The following CLIC5 variants were observed in gnomAD, a reference collection of about 807,000 sequenced individuals.
CLIC5 encodes chloride intracellular channel protein 5.
In CLIC5, 20 loss-of-function variants were observed where a neutral mutation model predicts 24.7. The ratio of observed to expected loss-of-function variants is 0.81; its 90% CI spans 0.57 to 1.18. The LOEUF (loss-of-function observed/expected upper bound fraction) is 1.18. Among genes scored for constraint, CLIC5 ranks in the 50% most tolerant of loss-of-function variants. The pLI is 0.00. For synonymous variants in CLIC5, 159 were observed against 135.6 expected, an observed-to-expected ratio of 1.17 and a Z score of -1.20; for missense variants, 341 against 326.1, an observed-to-expected ratio of 1.05 and a Z score of -0.35.
chr6:45,895,364 A>T (rs1762384453), downstream of CLIC5, among the ~76,000 whole-genome samples: 1 of 152,216 alleles, frequency 6.6e-6, no homozygotes, highest in Non-Finnish European at 1.5e-5. Flanking sequence ...ACCATGTGAT[A>T]AAATGAGCTT....
chr6:45,897,673 C>T (rs1054923211), downstream of CLIC5, among the ~76,000 whole-genome samples: 2 of 152,104 alleles, frequency 1.3e-5, no homozygotes, highest in Non-Finnish European at 2.9e-5. Flanking sequence ...CTTCATCAGA[C>T]GTCACATTGG....
At chr6:46,015,993 A>T, upstream of CLIC5, 1 of 719,138 alleles carries the variant, frequency 1.4e-6, no homozygotes, top group East Asian at 1.3e-4. Flanking sequence ...AAGACCCCGC[A>T]GGGCAGGAGG....
At chr6:45,952,096 G>A (rs1764490235) in intron 2 of CLIC5, among the ~76,000 whole-genome samples, 1 of 152,150 alleles carries the variant, frequency 6.6e-6, no homozygotes, top group African/African-American at 2.4e-5. Context: ...ACCTCTCTGT[G>A]GCTTACAGAT....
intron 1 of CLIC5, among the ~76,000 whole-genome samples, chr6:45,967,111 A>G (rs934475676): frequency 3.9e-5 from 6 of 152,234 alleles, no homozygotes; most frequent in Non-Finnish European, 7.3e-5. Flanking sequence ...TAAAAAATGC[A>G]GGGTCCTCAT....
At chr6:46,040,737 A>G (rs1443976005) in intron 1 of CLIC5, among the ~76,000 whole-genome samples, 1 of 152,110 alleles carries the variant, frequency 6.6e-6, no homozygotes, top group African/African-American at 2.4e-5. Context: ...GCAGGGGGCA[A>G]TGGTGATAGT....
upstream of CLIC5, among the ~76,000 whole-genome samples, chr6:46,083,558 G>A (rs1251631748): frequency 6.6e-6 from 1 of 152,056 alleles, no homozygotes; most frequent in Non-Finnish European, 1.5e-5. Context: ...GGAGCAGGTT[G>A]TTCAGTTTCC....
At chr6:45,903,395 G>A in intron 5 of CLIC5, 140 bp from the exon 6 acceptor site, 1 of 592,072 alleles carries the variant, frequency 1.7e-6, no homozygotes, top group Non-Finnish European at 2.7e-6. Context: ...TGTTTGAAAT[G>A]CAAGGTGGCA....
Position 45,999,831 on chromosome 6 carries a change from C to T in CLIC5, c.63+15649G>A, listed in dbSNP as rs538172600. Among the ~76,000 whole-genome samples the T allele has an allele frequency of 8.0e-5, 7 of 87,194 alleles. 3 individuals are homozygous for T. In the South Asian group the frequency reaches 4.0e-3, roughly 49 times the overall value. 57.2% of individuals were successfully genotyped at this position (87,194 alleles called of 152,430 possible). A position where few individuals can be genotyped will look rare whatever the true frequency, so the allele number is the denominator to read the frequency against. On this transcript the variant is annotated intron_variant, in intron 1 of 5. Transcript: ENST00000339561. ...CGCAATCTCGGCTCACTGCAAGCTCCGCTTCCCGGGTTCACGCCATTCTCC... is the reference window on the plus strand; with the variant it reads ...CGCAATCTCGGCTCACTGCAAGCTCTGCTTCCCGGGTTCACGCCATTCTCC...
rs1762450186 is a variant in CLIC5, at chr6:45,899,286, A to T, written c.*3802T>A. 1 of 152,324 alleles carries T rather than the reference A, an allele frequency of 6.6e-6. No individual in the cohort carries two copies. 9.4% of individuals were successfully genotyped at this position (152,324 alleles called of 1,614,324 possible). On this transcript the variant is annotated 3_prime_UTR_variant, in exon 6 of 6. Transcript: ENST00000339561. ...CTTAAGATTCTCCTTAATGTCATTT[A>T]AAAAAATAAGAAAGTGATCCCTTGG...
the CLIC5 span, among the ~76,000 whole-genome samples, chr6:46,124,509 G>A: frequency 1.3e-5 from 2 of 152,194 alleles, no homozygotes; most frequent in Admixed American, 1.3e-4. Context: ...TCAGGACATA[G>A]GCATGGGCAA....
At chr6:45,955,435 A>C (rs1430484011) in intron 1 of CLIC5, among the ~76,000 whole-genome samples, 191 bp from the exon 2 acceptor site, 1 of 152,232 alleles carries the variant, frequency 6.6e-6, no homozygotes, top group African/African-American at 2.4e-5. Flanking sequence ...GCAGCATGTA[A>C]GGGCTCAATA....
At chr6:45,962,390 AGGGGGTCAGTC>A (rs1764876489) in intron 1 of CLIC5, among the ~76,000 whole-genome samples, 1 of 148,562 alleles carries the variant, frequency 6.7e-6, no homozygotes, top group African/African-American at 2.5e-5. Flanking sequence ...TCTTCAGAGG[AGGGGGTCAGTC>A]TTTTTTTCTA....
intron 3 of CLIC5, among the ~76,000 whole-genome samples, chr6:45,943,680 A>G (rs1764204494): frequency 6.6e-6 from 1 of 152,202 alleles, no homozygotes; most frequent in Admixed American, 6.5e-5. Context: ...GTATCTCATC[A>G]ATTGGTCAGA....
At chr6:45,888,316 T>C (rs1045737244) in intron 6 of CLIC5, among the ~76,000 whole-genome samples, 2 of 152,214 alleles carry the variant, frequency 1.3e-5, no homozygotes, top group Non-Finnish European at 2.9e-5. Context: ...TGTGGGGCAT[T>C]TTCTATTAAT....
chr6:46,089,895 T>C, the CLIC5 span, among the ~76,000 whole-genome samples: 1 of 152,226 alleles, frequency 6.6e-6, no homozygotes, highest in Non-Finnish European at 1.5e-5. Flanking sequence ...CTCTAAATCT[T>C]GATGATTACA....
In CLIC5 at chr6:45,900,469, G is replaced by A. The variant is rs892609915; in HGVS notation, c.*2619C>T. ...CCACACTGTTGCTGAGACATGATGT[G>A]CTGCACATATGATAAGAAGGCCAGA... is the stretch of plus-strand genomic sequence containing the variant. On this transcript the variant is annotated 3_prime_UTR_variant, in exon 6 of 6. Coordinates refer to ENST00000339561, the MANE Select transcript of CLIC5 (RefSeq NM_016929.5). 1 of 143,576 alleles carries A rather than the reference G, an allele frequency of 7.0e-6. No individual in the cohort carries two copies. Among genetic ancestry groups the A allele is most frequent in the Non-Finnish European group, 1.5e-5 (1 of 67,148 alleles). 8.9% of individuals were successfully genotyped at this position (143,576 alleles called of 1,614,324 possible).
In CLIC5 at chr6:45,941,612, G is replaced by A. The variant is rs143360018; in HGVS notation, c.341C>T (p.Ala114Val). Residue 114 changes from alanine (A) to valine (V), a missense_variant, in exon 4 of 6, where the codon GCG (alanine) becomes GTG (valine). Coordinates refer to ENST00000339561, the MANE Select transcript of CLIC5 (RefSeq NM_016929.5). ...LAAKHRESNT[A>V]GIDIFSKFSA... is the part of the protein sequence containing the mutation. ...AAACTTGGAAAAGATGTCGATGCCC[G>A]CTGTGTTGGATTCCCGGTGTTTTGC... The A allele has an allele frequency of 2.5e-5, 41 of 1,613,952 alleles. No individual in the cohort carries two copies. The highest frequency in any genetic ancestry group is 2.2e-4 in the East Asian group (10 of 44,872).
chr6:46,022,244 A>G (rs1195961527), intron 1 of CLIC5, among the ~76,000 whole-genome samples: 1 of 152,216 alleles, frequency 6.6e-6, no homozygotes, highest in Non-Finnish European at 1.5e-5. Flanking sequence ...GAGATTTTTC[A>G]GAAAATGCTT....
intron 1 of CLIC5, among the ~76,000 whole-genome samples, chr6:46,075,614 T>G (rs1762745583): frequency 6.6e-6 from 1 of 152,154 alleles, no homozygotes; most frequent in Admixed American, 6.5e-5. Context: ...AAACCTGCTC[T>G]AAGACATATT....
Sources: allele counts gnomAD v4.1 joint callset (sites outside exome capture counted in the v4.1 genomes callset), GRCh38; gene constraint gnomAD v4.1.1; transcripts MANE v1.5; gene names NCBI Gene and HGNC (gene_info 2026-07-23, HGNC 2026-07-21).